Variants in MKLN1 observed in about 807,000 individuals in gnomAD.
The protein encoded by MKLN1 is muskelin.
A neutral mutation model predicts 99.0 loss-of-function variants in MKLN1; 18 were observed. The ratio of observed to expected loss-of-function variants is 0.18; its 90% CI spans 0.13 to 0.27. The LOEUF (loss-of-function observed/expected upper bound fraction) is 0.27, where lower values mean the gene tolerates loss of function less well. MKLN1 is among the 10% of genes least tolerant of loss of function. MKLN1 has a pLI of 1.00. For synonymous variants in MKLN1, 288 were observed against 293.2 expected, an observed-to-expected ratio of 0.98 and a Z score of 0.18; for missense variants, 621 against 875.9, an observed-to-expected ratio of 0.71 and a Z score of 3.67.
chr7:131,353,915 A>AC (rs1799795962), intron 1 of MKLN1, among the ~76,000 whole-genome samples: 1 of 151,014 alleles, frequency 6.6e-6, no homozygotes, highest in Admixed American at 6.6e-5. Flanking sequence ...AAAAAAAAAA[A>AC]AAAAAAAAAC....
At chr7:131,391,953 GT>G (rs1794207770) in intron 4 of MKLN1, among the ~76,000 whole-genome samples, 1 of 152,146 alleles carries the variant, frequency 6.6e-6, no homozygotes, top group Admixed American at 6.5e-5. Context: ...AAGAAGCTTG[GT>G]TTTAGATAAG....
intron 15 of MKLN1, among the ~76,000 whole-genome samples, chr7:131,467,964 T>A (rs1796705865): frequency 1.3e-5 from 2 of 152,142 alleles, no homozygotes; most frequent in Admixed American, 1.3e-4. Context: ...GTGAAAAGAC[T>A]TGGCCTGACA....
Position 131,355,601 on chromosome 7 carries a change from G to C in MKLN1, c.99-19823G>C, listed in dbSNP as rs192118869. Among the ~76,000 whole-genome samples the C allele has an allele frequency of 2.1e-5, 3 of 144,140 alleles. No individual in the cohort carries two copies. In the East Asian group the frequency reaches 6.2e-4, roughly 30 times the overall value. 94.6% of individuals were successfully genotyped at this position (144,140 alleles called of 152,430 possible). A position where few individuals can be genotyped will look rare whatever the true frequency, so the allele number is the denominator to read the frequency against. On this transcript the variant is annotated intron_variant, in intron 1 of 17. Transcript: ENST00000352689. The stretch of plus-strand genomic sequence containing the variant: ...CTAACTGCTTTTCGCTTTTATGTTT[G>C]AAGGCTCTGATTTCTTTAACTTGAT...
chr7:131,425,369 A>G lies in MKLN1; in HGVS notation c.848-3664A>G, dbSNP rs186569815. Among the ~76,000 whole-genome samples the G allele has an allele frequency of 3.9e-3, 588 of 151,822 alleles. 7 individuals are homozygous for G. Among genetic ancestry groups the G allele is most frequent in the Middle Eastern group, 0.02 (6 of 294 alleles). On this transcript the variant is annotated intron_variant, in intron 8 of 17. Coordinates refer to ENST00000352689, the MANE Select transcript of MKLN1 (RefSeq NM_013255.5). ...CACTGTTACCATGAAATCTCTTCTG[A>G]GTCCCCTCAGCCAGATATACTGTCT...
intron 3 of MKLN1, among the ~76,000 whole-genome samples, chr7:131,309,032 C>T (rs1271983518): frequency 1.3e-5 from 2 of 152,224 alleles, no homozygotes; most frequent in Non-Finnish European, 2.9e-5. Context: ...AAATGATGAT[C>T]CATTGTCCAG....
At chr7:131,298,120 A>C (rs1458558798) in intron 3 of MKLN1, among the ~76,000 whole-genome samples, 1 of 150,674 alleles carries the variant, frequency 6.6e-6, no homozygotes, top group Non-Finnish European at 1.5e-5. Flanking sequence ...AAATACAAAA[A>C]ATTAGCCGGG....
intron 8 of MKLN1, among the ~76,000 whole-genome samples, chr7:131,418,322 T>C (rs1369370828): frequency 1.3e-5 from 2 of 148,376 alleles, no homozygotes; most frequent in Non-Finnish European, 3.0e-5. Context: ...TGAGGCGAGA[T>C]TGCGCCATCG....
At chr7:131,370,575 T>A (rs1414604456) in intron 1 of MKLN1, among the ~76,000 whole-genome samples, 1 of 152,100 alleles carries the variant, frequency 6.6e-6, no homozygotes, top group Non-Finnish European at 1.5e-5. Context: ...CCTCAAATAG[T>A]TGGCAGTCAG....
At chr7:131,444,647 T>C (rs921975804) in intron 11 of MKLN1, among the ~76,000 whole-genome samples, 3 of 151,656 alleles carry the variant, frequency 2.0e-5, no homozygotes, top group African/African-American at 4.8e-5. Context: ...ATGTCAGGGC[T>C]CAAATGATCC....
chr7:131,291,583 TA>T (rs1554547751), intron 3 of MKLN1, among the ~76,000 whole-genome samples: 397 of 5,798 alleles, frequency 0.068, 3 homozygotes, highest in Non-Finnish European at 0.087. Flanking sequence ...TCATTTATTA[TA>T]TATATATATA....
intron 3 of MKLN1, among the ~76,000 whole-genome samples, chr7:131,304,750 G>A (rs577411114): frequency 1.3e-5 from 2 of 152,224 alleles, no homozygotes; most frequent in African/African-American, 2.4e-5. Context: ...ATCACATAGA[G>A]AGCTATGGAT....
intron 1 of MKLN1, among the ~76,000 whole-genome samples, chr7:131,363,553 A>C (rs1800090548): frequency 6.6e-6 from 1 of 152,022 alleles, no homozygotes; most frequent in South Asian, 2.1e-4. Flanking sequence ...CTCTGCATTT[A>C]CCTATATCTT....
At chr7:131,415,377 T>G (rs1794987832) in intron 8 of MKLN1, among the ~76,000 whole-genome samples, 1 of 152,154 alleles carries the variant, frequency 6.6e-6, no homozygotes, top group African/African-American at 2.4e-5. Flanking sequence ...TTATACTGTG[T>G]GTTATGCCAA....
chr7:131,195,625 A>C (rs930467869), intron 2 of MKLN1, among the ~76,000 whole-genome samples: 9 of 152,028 alleles, frequency 5.9e-5, no homozygotes, highest in African/African-American at 1.7e-4. Flanking sequence ...ATATGTAACC[A>C]CATACATATT....
At position 131,417,368 on chromosome 7, in the gene MKLN1, C is replaced by T. The variant is rs188737231; in HGVS notation, c.847+2658C>T. Among the ~76,000 whole-genome samples the T allele has an allele frequency of 9.2e-5, 14 of 152,088 alleles. 1 individual carries two copies. Among genetic ancestry groups the T allele is most frequent in the South Asian group, 2.1e-4 (1 of 4,820 alleles). On this transcript the variant is annotated intron_variant, in intron 8 of 17. Coordinates refer to ENST00000352689, the MANE Select transcript of MKLN1 (RefSeq NM_013255.5). ...GAGTGCTTTCTTTTTTTCTTTTATTCGTTATGAATTCTGGGTCAAACTTTA... is the reference window on the plus strand; with the variant it reads ...GAGTGCTTTCTTTTTTTCTTTTATTTGTTATGAATTCTGGGTCAAACTTTA...
intron 16 of MKLN1, among the ~76,000 whole-genome samples, chr7:131,474,413 C>T (rs1475334698): frequency 1.3e-5 from 2 of 152,144 alleles, no homozygotes; most frequent in African/African-American, 4.8e-5. Context: ...ATCTATGAGA[C>T]AGCCAACTTA....
In MKLN1 at chr7:131,376,140, G is replaced by T. The variant is rs1563318319; in HGVS notation, c.168+647G>T. Among the ~76,000 whole-genome samples, 344 of 123,858 alleles carry T rather than the reference G, an allele frequency of 2.8e-3. 1 individual carries two copies. Among genetic ancestry groups the T allele is most frequent in the African/African-American group, 9.6e-3 (305 of 31,662 alleles). 81.3% of individuals were successfully genotyped at this position (123,858 alleles called of 152,430 possible). On this transcript the variant is annotated intron_variant, in intron 2 of 17. Transcript: ENST00000352689. Reference sequence around the variant, plus strand: ...TATATATATATATATATATATGTATGATGTATGTATTTTTTTTTCTCTTTG... The same window carrying T: ...TATATATATATATATATATATGTATTATGTATGTATTTTTTTTTCTCTTTG...
At chr7:131,214,633 C>A (rs1796952400) in intron 3 of MKLN1, among the ~76,000 whole-genome samples, 1 of 152,140 alleles carries the variant, frequency 6.6e-6, no homozygotes, top group Non-Finnish European at 1.5e-5. Context: ...AAATAATAAA[C>A]CTCTTATTGC....
intron 2 of MKLN1, among the ~76,000 whole-genome samples, chr7:131,162,213 C>T (rs1037977388): frequency 5.3e-5 from 8 of 151,564 alleles, no homozygotes; most frequent in Admixed American, 5.3e-4. Flanking sequence ...CCACCAAGCC[C>T]GGCTAATTTT....
Sources: allele counts gnomAD v4.1 joint callset (sites outside exome capture counted in the v4.1 genomes callset), GRCh38; gene constraint gnomAD v4.1.1; transcripts MANE v1.5; gene names NCBI Gene and HGNC (gene_info 2026-07-23, HGNC 2026-07-21).